Variants in SMAP1 observed in about 807,000 individuals in gnomAD.
SMAP1 encodes small ArfGAP 1, also known as stromal membrane-associated protein 1.
SMAP1 carries 24 observed loss-of-function variants against 58.5 expected under a neutral mutation model. That is an observed-to-expected ratio of 0.41 (90% CI 0.30 to 0.58). SMAP1 has a LOEUF of 0.58. Ranked by LOEUF, SMAP1 falls within the 20% of genes least tolerant of loss-of-function variation. SMAP1 has a pLI of 0.29. For missense variants in SMAP1, 563 were observed against 566.3 expected, an observed-to-expected ratio of 0.99 and a Z score of 0.06; for synonymous variants, 216 against 196.6, an observed-to-expected ratio of 1.10 and a Z score of -0.82.
chr6:70,668,538 G>C, intron 1 of SMAP1: 1 of 1,526,706 alleles, frequency 6.6e-7, no homozygotes, highest in Admixed American at 2.0e-5. Flanking sequence ...CTATCTCTGT[G>C]GGTGGGGCCG....
At position 70,861,491 on chromosome 6, in the gene SMAP1, A is replaced by AGCTTATGTTAACTGAC. The variant is rs1479000975; in HGVS notation, c.*1158_*1173dup. On this transcript the variant is annotated 3_prime_UTR_variant, in exon 11 of 11. Coordinates refer to ENST00000370455, the MANE Select transcript of SMAP1 (RefSeq NM_001044305.3). Reference sequence around the variant, plus strand: ...TACATTTTGTACCAACCATCCAATTAGCTTATGTTAACTGACAAGCTCCAT... The same window carrying AGCTTATGTTAACTGAC: ...TACATTTTGTACCAACCATCCAATTAGCTTATGTTAACTGACGCTTATGTTAACTGACAAGCTCCAT... 26 of 609,294 alleles carry AGCTTATGTTAACTGAC rather than the reference A, an allele frequency of 4.3e-5. No homozygotes were observed. In the African/African-American group the frequency reaches 4.6e-4, roughly 11 times the overall value. The allele number at this position is 609,294 out of a possible 1,614,324, so 37.7% of individuals were successfully genotyped here. A position where few individuals can be genotyped will look rare whatever the true frequency, so the allele number is the denominator to read the frequency against.
intron 5 of SMAP1, among the ~76,000 whole-genome samples, chr6:70,794,813 G>A (rs1249193755): frequency 3.5e-5 from 5 of 141,740 alleles, no homozygotes; most frequent in African/African-American, 1.3e-4. Flanking sequence ...TTTTGAGATG[G>A]AGTTTCACTC....
chr6:70,753,070 ATAT>A (rs1438949268), intron 2 of SMAP1, among the ~76,000 whole-genome samples: 2 of 151,940 alleles, frequency 1.3e-5, no homozygotes, highest in Non-Finnish European at 2.9e-5. Flanking sequence ...CCCCCCCGAG[ATAT>A]TAATGAGCTA....
chr6:70,773,690 C>G (rs1332000829), intron 4 of SMAP1, among the ~76,000 whole-genome samples: 1 of 152,084 alleles, frequency 6.6e-6, no homozygotes, highest in Non-Finnish European at 1.5e-5. Context: ...GCTAGAACCA[C>G]TAATTGAAAA....
chr6:70,772,216 G>A (rs1047979042), intron 3 of SMAP1, among the ~76,000 whole-genome samples: 2 of 152,130 alleles, frequency 1.3e-5, no homozygotes, highest in Non-Finnish European at 2.9e-5. Flanking sequence ...CATCAGTGTC[G>A]TAAGAAAACA....
intron 3 of SMAP1, among the ~76,000 whole-genome samples, chr6:70,767,558 A>G (rs1210652283): frequency 6.6e-6 from 1 of 151,710 alleles, no homozygotes; most frequent in African/African-American, 2.4e-5. Context: ...TTTGTCTGTT[A>G]TTGGTGTATA....
At chr6:70,676,189 TAATA>T (rs766176237) in intron 1 of SMAP1, among the ~76,000 whole-genome samples, 1 of 152,248 alleles carries the variant, frequency 6.6e-6, no homozygotes, top group African/African-American at 2.4e-5. Flanking sequence ...CTTTTTGCTA[TAATA>T]AATCATAACG....
At chr6:70,767,455 G>T (rs1433165634) in intron 3 of SMAP1, among the ~76,000 whole-genome samples, 1 of 152,074 alleles carries the variant, frequency 6.6e-6, no homozygotes, top group African/African-American at 2.4e-5. Context: ...CACTTGAAGA[G>T]GTCCTTCACA....
At chr6:70,748,834 C>T (rs1377782961) in intron 2 of SMAP1, among the ~76,000 whole-genome samples, 7 of 151,962 alleles carry the variant, frequency 4.6e-5, no homozygotes, top group Non-Finnish European at 8.8e-5. Context: ...ATAGAAGTAA[C>T]CATATTTATC....
At chr6:70,821,708 A>G (rs1271683014) in intron 6 of SMAP1, among the ~76,000 whole-genome samples, 1 of 152,192 alleles carries the variant, frequency 6.6e-6, no homozygotes, top group Non-Finnish European at 1.5e-5. Context: ...CAATAGCAAG[A>G]TGATAGTAAC....
chr6:70,732,591 T>G, intron 2 of SMAP1, 80 bp downstream of exon 2: 1 of 1,247,952 alleles, frequency 8.0e-7, no homozygotes, highest in East Asian at 2.9e-5. Flanking sequence ...CATCTAAGGA[T>G]TAACATTGAA....
At chr6:70,678,317 G>C (rs1269609754) in intron 1 of SMAP1, among the ~76,000 whole-genome samples, 1 of 152,112 alleles carries the variant, frequency 6.6e-6, no homozygotes, top group African/African-American at 2.4e-5. Context: ...ATGAGCTCAA[G>C]CCTAAACTTA....
At chr6:70,811,823 T>G (rs988288055) in intron 6 of SMAP1, among the ~76,000 whole-genome samples, 2 of 152,184 alleles carry the variant, frequency 1.3e-5, no homozygotes, top group African/African-American at 4.8e-5. Flanking sequence ...GAGGGCCAAC[T>G]GTATCCAGTA....
intron 4 of SMAP1, 116 bp downstream of exon 4, chr6:70,773,541 T>C (rs1767419886): frequency 1.7e-6 from 1 of 588,006 alleles, no homozygotes; most frequent in African/African-American, 2.0e-5. Context: ...ATATTTACAT[T>C]TGAATATTGG....
rs114823816 is a variant in SMAP1, at chr6:70,794,157, T to C, written c.495+2388T>C. Among the ~76,000 whole-genome samples, 792 of 152,370 alleles carry C rather than the reference T, an allele frequency of 5.2e-3. 7 individuals carry two copies. The highest frequency in any genetic ancestry group is 0.018 in the African/African-American group (761 of 41,588). On this transcript the variant is annotated intron_variant, in intron 5 of 10. Coordinates refer to ENST00000370455, the MANE Select transcript of SMAP1 (RefSeq NM_001044305.3). ...TTGCACAGGAGGTCAGCTGTTTCACTACGTCACTTGTGCATATAGCCACCA... is the reference window on the plus strand; with the variant it reads ...TTGCACAGGAGGTCAGCTGTTTCACCACGTCACTTGTGCATATAGCCACCA...
chr6:70,817,972 A>G (rs1284854575), intron 6 of SMAP1, among the ~76,000 whole-genome samples: 2 of 152,172 alleles, frequency 1.3e-5, no homozygotes, highest in African/African-American at 2.4e-5. Context: ...ATAGCCAACA[A>G]TGACCTTGTT....
At chr6:70,853,854 G>A (rs1771281800) in intron 8 of SMAP1, among the ~76,000 whole-genome samples, 1 of 152,182 alleles carries the variant, frequency 6.6e-6, no homozygotes, top group African/African-American at 2.4e-5. Context: ...AAGCATTTAG[G>A]ATATTTGACA....
chr6:70,747,864 T>C (rs1766109164), intron 2 of SMAP1, among the ~76,000 whole-genome samples: 2 of 152,184 alleles, frequency 1.3e-5, no homozygotes, highest in Admixed American at 6.6e-5. Flanking sequence ...TAAATCAATA[T>C]CTGAGAATAT....
chr6:70,783,315 CA>C lies in SMAP1; in HGVS notation c.415-8371del, dbSNP rs1767845493. Among the ~76,000 whole-genome samples, 2 of 152,132 alleles carry C rather than the reference CA, an allele frequency of 1.3e-5. 1 individual carries two copies. The highest frequency in any genetic ancestry group is 4.1e-4 in the South Asian group (2 of 4,824). On this transcript the variant is annotated intron_variant, in intron 4 of 10. Transcript: ENST00000370455. ...AAACCCATCTGTACGTCACCATCAT[CA>C]AAGACCAAAAGTAGATGAAACCACA...
Sources: gnomAD v4.1 joint callset for allele counts (sites outside exome capture counted in the v4.1 genomes callset) on GRCh38, gnomAD v4.1.1 for gene constraint, MANE v1.5 for transcripts, NCBI Gene and HGNC (gene_info 2026-07-23, HGNC 2026-07-21) for gene names.